PITPNA: variants seen among roughly 807,000 people sequenced by gnomAD.
PITPNA encodes phosphatidylinositol transfer protein alpha.
Under a neutral mutation model 50.3 loss-of-function variants are expected in PITPNA, and 13 were observed. That is an observed-to-expected ratio of 0.26 (90% CI 0.17 to 0.41). The LOEUF is 0.41. Ranked by LOEUF, PITPNA falls within the 10% of genes least tolerant of loss-of-function variation. PITPNA has a pLI of 1.00. For synonymous variants in PITPNA, 120 were observed against 119.6 expected (o/e 1.00, Z -0.02); for missense variants, 207 against 333.4 (o/e 0.62, Z 2.95).
intron 10 of PITPNA, among the ~76,000 whole-genome samples, chr17:1,532,558 C>G (rs1256028918): frequency 6.6e-6 from 1 of 152,216 alleles, no homozygotes; most frequent in Non-Finnish European, 1.5e-5. Flanking sequence ...CAAATACTTC[C>G]ACGAACCCCA....
chr17:1,544,185 G>C (rs1296000864), intron 4 of PITPNA, among the ~76,000 whole-genome samples: 1 of 152,146 alleles, frequency 6.6e-6, no homozygotes, highest in Non-Finnish European at 1.5e-5. Context: ...CCAAGAATCT[G>C]ATCACTCAGC....
intron 7 of PITPNA, 100 bp from the exon 8 acceptor site, chr17:1,535,618 T>G (rs2075611205): frequency 1.3e-6 from 1 of 768,266 alleles, no homozygotes; most frequent in Admixed American, 1.9e-5. Flanking sequence ...TACCAGATCT[T>G]GATGCTGATG....
At chr17:1,522,811 A>G (rs1484645091) in intron 10 of PITPNA, among the ~76,000 whole-genome samples, 1 of 152,216 alleles carries the variant, frequency 6.6e-6, no homozygotes, top group East Asian at 1.9e-4. Flanking sequence ...CATCTATGTC[A>G]GCTAGGACTG....
chr17:1,548,347 C>A lies in PITPNA; in HGVS notation c.238G>T (p.Ala80Ser). ...CAGGCTTTCTCGTGTATATTCAGGG[C>A]TCCCTCTGGGGCCAGCATTCGAACA... Reference protein sequence around the residue: ...TFVRMLAPEGALNIHEKAWNA... With the variant: ...TFVRMLAPEGSLNIHEKAWNA... The change falls in exon 4 of 12, where the codon GCC (alanine) becomes TCC (serine). Residue 80 changes from alanine (A) to serine (S), a missense_variant. Ala to Ser is a moderately conservative substitution (Grantham distance 99, BLOSUM62 1). Coordinates refer to ENST00000313486, the MANE Select transcript of PITPNA (RefSeq NM_006224.4). 6.2e-7 allele frequency: 1 copy of A among 1,608,816 alleles called. No individual in the cohort carries two copies.
chr17:1,545,467 T>C (rs1330318059), intron 4 of PITPNA, among the ~76,000 whole-genome samples: 1 of 152,194 alleles, frequency 6.6e-6, no homozygotes, highest in Non-Finnish European at 1.5e-5. Flanking sequence ...AGTGTCTAAC[T>C]AAACAGATCT....
intron 10 of PITPNA, among the ~76,000 whole-genome samples, chr17:1,530,606 A>T (rs17821228): frequency 3.1e-4 from 47 of 152,160 alleles, no homozygotes; most frequent in Admixed American, 1.2e-3. Flanking sequence ...AGAGACTAAC[A>T]GTCATAATTC....
At chr17:1,522,407 CT>C (rs1429405395) in intron 10 of PITPNA, among the ~76,000 whole-genome samples, 9 of 151,926 alleles carry the variant, frequency 5.9e-5, no homozygotes, top group Admixed American at 5.9e-4. Flanking sequence ...GAGTCTTGCT[CT>C]GTCGCCCAGG....
chr17:1,532,000 G>A (rs1486666658), intron 10 of PITPNA, among the ~76,000 whole-genome samples: 3 of 152,272 alleles, frequency 2.0e-5, no homozygotes, highest in Middle Eastern at 3.4e-3. Context: ...TCCAAAGAGA[G>A]TTTCTTCTAT....
At chr17:1,539,315 C>T (rs1024344623) in intron 6 of PITPNA, among the ~76,000 whole-genome samples, 4 of 151,330 alleles carry the variant, frequency 2.6e-5, no homozygotes, top group East Asian at 2.0e-4. Flanking sequence ...TGCCTAGGCC[C>T]GAGTGATCCT....
chr17:1,530,371 C>CAGAG (rs139887728), intron 10 of PITPNA, among the ~76,000 whole-genome samples: 22,675 of 152,092 alleles, frequency 0.15, 1,952 homozygotes, highest in African/African-American at 0.23. Context: ...AAGAGAGAGA[C>CAGAG]AGAAACTGCT....
At chr17:1,521,512 C>A in intron 11 of PITPNA, 67 bp downstream of exon 11, 1 of 1,063,054 alleles carries the variant, frequency 9.4e-7, no homozygotes, top group South Asian at 1.3e-5. Context: ...TAGTGAGCTG[C>A]TGAGGCCTTG....
At chr17:1,551,674 C>A (rs2075710100) in intron 3 of PITPNA, among the ~76,000 whole-genome samples, 2 of 152,200 alleles carry the variant, frequency 1.3e-5, no homozygotes, top group Admixed American at 1.3e-4. Flanking sequence ...AACAATTGGT[C>A]CCTTCTACCT....
chr17:1,528,399 C>T (rs908650591), intron 10 of PITPNA, among the ~76,000 whole-genome samples: 9 of 152,158 alleles, frequency 5.9e-5, no homozygotes, highest in Non-Finnish European at 1.0e-4. Context: ...ACTTTAGCCT[C>T]CCAAAGTGCT....
chr17:1,529,155 A>AAGAGAG (rs1555530753), intron 10 of PITPNA, among the ~76,000 whole-genome samples: 4 of 106,626 alleles, frequency 3.8e-5, no homozygotes, highest in Admixed American at 1.1e-4. Flanking sequence ...AAAAAAAAAA[A>AAGAGAG]AGAGAGAGAG....
intron 7 of PITPNA, among the ~76,000 whole-genome samples, chr17:1,536,897 T>TTC (rs1454386688): frequency 6.8e-6 from 1 of 147,428 alleles, no homozygotes; most frequent in East Asian, 2.0e-4. Context: ...CCGGCCGATT[T>TTC]TTTTTTTTTT....
chr17:1,550,292 A>AG (rs1364088742), intron 3 of PITPNA, among the ~76,000 whole-genome samples: 1 of 152,202 alleles, frequency 6.6e-6, no homozygotes, highest in Non-Finnish European at 1.5e-5. Flanking sequence ...CGGTGGGCAC[A>AG]GGGCCCTGGG....
intron 4 of PITPNA, 97 bp from the exon 5 acceptor site, chr17:1,543,124 G>A (rs2075656276): frequency 7.4e-6 from 7 of 952,266 alleles, no homozygotes; most frequent in African/African-American, 3.3e-5. Flanking sequence ...ACGAATGGCA[G>A]AGTGTACTTT....
intron 10 of PITPNA, among the ~76,000 whole-genome samples, chr17:1,525,981 T>C (rs1001879788): frequency 2.6e-5 from 4 of 152,158 alleles, no homozygotes; most frequent in Admixed American, 6.5e-5. Context: ...CTAGTGGAAA[T>C]AGGCACACCA....
chr17:1,561,630 C>CCA (rs1012699038), intron 1 of PITPNA, among the ~76,000 whole-genome samples: 38 of 152,290 alleles, frequency 2.5e-4, no homozygotes, highest in African/African-American at 9.1e-4. Context: ...CCAAGTCTCC[C>CCA]CACGTCCCAA....
Sources: gnomAD v4.1 joint callset for allele counts (sites outside exome capture counted in the v4.1 genomes callset) on GRCh38, gnomAD v4.1.1 for gene constraint, MANE v1.5 for transcripts, NCBI Gene and HGNC (gene_info 2026-07-23, HGNC 2026-07-21) for gene names.